The following PAK4 variants were observed in gnomAD, a reference collection of about 807,000 sequenced individuals.
PAK4 encodes serine/threonine-protein kinase PAK 4.
In PAK4, 49 loss-of-function variants were observed where a neutral mutation model predicts 53.5. The observed-to-expected ratio is 0.92, with a 90% CI of 0.73 to 1.16. The LOEUF (loss-of-function observed/expected upper bound fraction) is 1.16, where lower values mean the gene tolerates loss of function less well. Among genes scored for constraint, PAK4 ranks in the 50% most tolerant of loss-of-function variants. PAK4 has a pLI of 0.00. For synonymous variants in PAK4, 376 were observed against 375.6 expected, an observed-to-expected ratio of 1.00 and a Z score of -0.01; for missense variants, 824 against 850.7, an observed-to-expected ratio of 0.97 and a Z score of 0.39.
intron 1 of PAK4, among the ~76,000 whole-genome samples, chr19:39,135,788 C>T (rs1305029646): frequency 6.6e-6 from 1 of 151,576 alleles, no homozygotes; most frequent in Non-Finnish European, 1.5e-5. Flanking sequence ...GGCTCCCGGC[C>T]CCCATCTTCC....
chr19:39,173,621 C>T lies in PAK4; in HGVS notation c.709C>T (p.Leu237=). 6.5e-7 allele frequency: 1 copy of T among 1,543,214 alleles called. No homozygotes were observed. The highest frequency in any genetic ancestry group is 8.7e-7 in the Non-Finnish European group (1 of 1,146,868). The change falls in exon 4 of 9, where the codon CTG becomes TTG. Residue 237 remains leucine, a synonymous_variant. Transcript: ENST00000358301. The surrounding 1 kb of genome is among the most constrained non-coding windows in gnomAD (Gnocchi z 6.9). The stretch of plus-strand genomic sequence containing the variant: ...CCCTAACGGGCCATCAGCGGGGGGC[C>T]TGGCCATCCCCCAGTCCTCCTCCTC...
At chr19:39,150,725 A>G (rs1217789313) in intron 1 of PAK4, among the ~76,000 whole-genome samples, 12 of 151,940 alleles carry the variant, frequency 7.9e-5, no homozygotes, top group Middle Eastern at 6.8e-3. Context: ...CCTTGTCTCT[A>G]AAAAAAATAA....
chr19:39,176,448 C>A, intron 6 of PAK4, 142 bp from the exon 8 acceptor site: 1 of 1,136,546 alleles, frequency 8.8e-7, no homozygotes, highest in Non-Finnish European at 1.3e-6. Flanking sequence ...TGGCTCTAGA[C>A]CCCAGCTCTG....
At chr19:39,155,057 G>C (rs1600356116) in intron 1 of PAK4, among the ~76,000 whole-genome samples, 2 of 152,194 alleles carry the variant, frequency 1.3e-5, no homozygotes, top group African/African-American at 4.8e-5. Flanking sequence ...GTGTGCCAGA[G>C]CAGGGTAGTG....
chr19:39,165,346 CAAAAAA>C (rs59682991), intron 1 of PAK4, among the ~76,000 whole-genome samples: 2 of 92,644 alleles, frequency 2.2e-5, no homozygotes, highest in African/African-American at 4.1e-5. Flanking sequence ...ACTAAAAATA[CAAAAAA>C]AAAAAAAAAA....
chr19:39,172,848 C>T (rs2074509312), intron 2 of PAK4, 70 bp from the exon 4 acceptor site: 4 of 1,277,110 alleles, frequency 3.1e-6, no homozygotes, highest in East Asian at 2.6e-5. Context: ...CCTGTCCCTG[C>T]GTGTCGGATG....
chr19:39,177,898 A>G (rs2074640689), intron 8 of PAK4, 89 bp downstream of exon 9: 1 of 1,432,096 alleles, frequency 7.0e-7, no homozygotes, highest in South Asian at 1.3e-5. Flanking sequence ...GGATGGGGAC[A>G]ATGATGGCGC....
At chr19:39,132,892 A>G (rs528228243) in intron 1 of PAK4, among the ~76,000 whole-genome samples, 1 of 152,346 alleles carries the variant, frequency 6.6e-6, no homozygotes, top group African/African-American at 2.4e-5. Context: ...TCTGATTTTA[A>G]TCAGAGCAAA....
chr19:39,165,195 G>GATAATAATAATAATAATAATAATA (rs71169565), intron 1 of PAK4, among the ~76,000 whole-genome samples: 31 of 128,426 alleles, frequency 2.4e-4, no homozygotes, highest in Non-Finnish European at 4.2e-4. Context: ...TGATGATGAT[G>GATAATAATAATAATAATAATAATA]ATAATAATAA....
Position 39,175,361 on chromosome 19 carries a change from C to G in PAK4, c.1282C>G (p.Leu428Val). Residue 428 changes from leucine to valine, a missense_variant, in exon 6 of 9, where the codon CTG (leucine) becomes GTG (valine). Physicochemically the swap from Leu to Val is conservative, Grantham distance 32. Transcript: ENST00000358301. This position sits in a 1 kb window ranked among gnomAD's most constrained non-coding sequence, Gnocchi z 4.7. ...CGTGTGCCTTGCAGTGCTGCAGGCCCTGTCGGTGCTCCACGCCCAGGGCGT... is the reference window on the plus strand; with the variant it reads ...CGTGTGCCTTGCAGTGCTGCAGGCCGTGTCGGTGCTCCACGCCCAGGGCGT... The G allele has an allele frequency of 6.2e-7, 1 of 1,605,116 alleles. No individual in the cohort carries two copies. The highest frequency in any genetic ancestry group is 8.5e-7 in the Non-Finnish European group (1 of 1,176,758).
chr19:39,178,717 A>G lies in PAK4; in HGVS notation c.*138A>G. ...GCACCACCCTCCTTGCTGGGGGTAG[A>G]TGAGACCCTACTACTGAACTCCAGT... On this transcript the variant is annotated 3_prime_UTR_variant, in exon 9 of 9. Transcript: ENST00000358301. This position sits in a 1 kb window ranked among gnomAD's most constrained non-coding sequence, Gnocchi z 4.4. 1 of 702,106 alleles carries G rather than the reference A, an allele frequency of 1.4e-6. No individual in the cohort carries two copies. Among genetic ancestry groups the G allele is most frequent in the Non-Finnish European group, 2.3e-6 (1 of 428,462 alleles). 43.5% of individuals were successfully genotyped at this position (702,106 alleles called of 1,614,324 possible).
Position 39,161,919 on chromosome 19 carries a change from C to T in PAK4, c.-22-7613C>T, listed in dbSNP as rs2074291357. Among the ~76,000 whole-genome samples, 1 of 152,116 alleles carries T rather than the reference C, an allele frequency of 6.6e-6. No homozygotes were observed. The highest frequency in any genetic ancestry group is 1.5e-5 in the Non-Finnish European group (1 of 68,032). Reference sequence around the variant, plus strand: ...CAGGTCCCTGCTCACGTGTCCCCTTCTCAGCAAGGCCTGCCTGACCACTTT... The same window carrying T: ...CAGGTCCCTGCTCACGTGTCCCCTTTTCAGCAAGGCCTGCCTGACCACTTT... On this transcript the variant is annotated intron_variant, in intron 1 of 8. Transcript: ENST00000358301. The surrounding 1 kb of genome is among the most constrained non-coding windows in gnomAD (Gnocchi z 4.5).
intron 1 of PAK4, among the ~76,000 whole-genome samples, chr19:39,158,350 C>A (rs1442022488): frequency 6.6e-6 from 1 of 152,196 alleles, no homozygotes; most frequent in Non-Finnish European, 1.5e-5. Flanking sequence ...GGCGTCTGTG[C>A]ACGGCCTTGT....
chr19:39,173,272 AC>A lies in PAK4; in HGVS notation c.565del (p.Gln189SerfsTer180), dbSNP rs1217359611. 4 of 1,600,526 alleles carry A rather than the reference AC, an allele frequency of 2.5e-6. No homozygotes were observed. Among genetic ancestry groups the A allele is most frequent in the Non-Finnish European group, 3.4e-6 (4 of 1,174,672 alleles). On this transcript the variant is annotated frameshift_variant, in exon 3 of 9. Transcript: ENST00000358301. LOFTEE classifies it high-confidence loss of function. The surrounding 1 kb of genome is among the most constrained non-coding windows in gnomAD (Gnocchi z 6.9). ...CCCCCTCTCCGGGCCTGATGTCGGC[AC>A]CCCCCAGCCTGCTGGTCTGGCCAGT...
At chr19:39,180,753 G>A (rs1435051549), downstream of PAK4, 1 of 152,012 alleles carries the variant, frequency 6.6e-6, no homozygotes, top group Admixed American at 6.6e-5. Context: ...CTCAAATGAG[G>A]TTTACCAGAC....
intron 2 of PAK4, among the ~76,000 whole-genome samples, chr19:39,171,993 C>T (rs755272436): frequency 7.2e-5 from 11 of 152,222 alleles, no homozygotes; most frequent in Non-Finnish European, 1.0e-4. Flanking sequence ...AGACAGATGC[C>T]TGTGTGCTCT....
At chr19:39,171,274 A>C (rs1600396531) in intron 2 of PAK4, among the ~76,000 whole-genome samples, 1 of 141,952 alleles carries the variant, frequency 7.0e-6, no homozygotes. Flanking sequence ...CAGTGGCGCC[A>C]CCTCGGCTCA....
At chr19:39,165,229 G>A (rs779291789) in intron 1 of PAK4, among the ~76,000 whole-genome samples, 4 of 95,414 alleles carry the variant, frequency 4.2e-5, no homozygotes, top group Non-Finnish European at 7.0e-5. Flanking sequence ...AAGGCCGGGC[G>A]CGGTGGCTCA....
intron 1 of PAK4, among the ~76,000 whole-genome samples, chr19:39,146,951 T>G (rs574829173): frequency 1.6e-4 from 24 of 151,320 alleles, no homozygotes; most frequent in African/African-American, 4.6e-4. Flanking sequence ...AAGAAAGAAA[T>G]AATACAGAGA....
Sources: gnomAD v4.1 joint callset for allele counts (sites outside exome capture counted in the v4.1 genomes callset) on GRCh38, gnomAD v4.1.1 for gene constraint, Gnocchi (gnomAD v3.1) non-coding constraint, MANE v1.5 for transcripts, NCBI Gene and HGNC (gene_info 2026-07-23, HGNC 2026-07-21) for gene names.